Variants in KCND3 observed in about 807,000 individuals in gnomAD.
KCND3 encodes potassium voltage-gated channel subfamily D member 3.
A neutral mutation model predicts 51.1 loss-of-function variants in KCND3; 9 were observed. The ratio of observed to expected loss-of-function variants is 0.18; its 90% confidence interval spans 0.11 to 0.31. The LOEUF is 0.31. Ranked by LOEUF, KCND3 falls within the 10% of genes least tolerant of loss-of-function variation. The probability of loss-of-function intolerance (pLI) is 1.00; values close to 1 mark genes in which losing one functional copy is unlikely to be tolerated. For missense variants in KCND3, 526 were observed against 903.8 expected (o/e 0.58, Z 5.36); for synonymous variants, 349 against 368.0 (o/e 0.95, Z 0.59).
At chr1:111,828,244 A>G (rs1442309238) in intron 2 of KCND3, among the ~76,000 whole-genome samples, 4 of 152,068 alleles carry the variant, frequency 2.6e-5, no homozygotes, top group Non-Finnish European at 1.5e-5. Flanking sequence ...GCCTTTCCTC[A>G]CAGAGCTTGG....
chr1:111,817,830 A>G (rs1028854422), intron 2 of KCND3, among the ~76,000 whole-genome samples: 5 of 152,228 alleles, frequency 3.3e-5, no homozygotes, highest in Non-Finnish European at 7.3e-5. Context: ...TTGCGTCAAT[A>G]TGTGCAAAGC....
chr1:111,984,013 T>C (rs370692937), intron 1 of KCND3, among the ~76,000 whole-genome samples: 1 of 152,140 alleles, frequency 6.6e-6, no homozygotes, highest in South Asian at 2.1e-4. Context: ...GTAACAGAAA[T>C]TGGAAATTGT....
At chr1:111,944,650 A>G (rs925689365) in intron 2 of KCND3, among the ~76,000 whole-genome samples, 1 of 152,188 alleles carries the variant, frequency 6.6e-6, no homozygotes, top group Non-Finnish European at 1.5e-5. Context: ...TTCACGTGTC[A>G]TCTCCCTGTC....
At chr1:111,984,079 C>T (rs1037768834) in intron 1 of KCND3, among the ~76,000 whole-genome samples, 1 of 152,184 alleles carries the variant, frequency 6.6e-6, no homozygotes, top group Non-Finnish European at 1.5e-5. Context: ...AGAACAAATC[C>T]TAACTTGGAA....
At chr1:111,901,673 A>G (rs1670388659) in intron 2 of KCND3, among the ~76,000 whole-genome samples, 1 of 152,200 alleles carries the variant, frequency 6.6e-6, no homozygotes, top group Non-Finnish European at 1.5e-5. Flanking sequence ...GCTCATTCCC[A>G]GTACTTTTGA....
At chr1:111,882,338 C>T (rs989556776) in intron 2 of KCND3, among the ~76,000 whole-genome samples, 3 of 152,194 alleles carry the variant, frequency 2.0e-5, no homozygotes, top group South Asian at 4.1e-4. Flanking sequence ...GGGCCTCTGG[C>T]GTCCGGTTTG....
chr1:111,854,931 G>A (rs1432209703), intron 2 of KCND3, among the ~76,000 whole-genome samples: 2 of 152,154 alleles, frequency 1.3e-5, no homozygotes, highest in African/African-American at 4.8e-5. Flanking sequence ...AAAGCACCTG[G>A]AGAATCTCAC....
At chr1:111,812,919 G>A (rs1665921341) in intron 2 of KCND3, among the ~76,000 whole-genome samples, 1 of 152,188 alleles carries the variant, frequency 6.6e-6, no homozygotes, top group Non-Finnish European at 1.5e-5. Flanking sequence ...CCAGCATCCT[G>A]TGCCCCTCAC....
Position 111,777,143 on chromosome 1 carries a change from C to T in KCND3, c.1649G>A (p.Arg550His), listed in dbSNP as rs151164490. Residue 550 changes from arginine to histidine, a missense_variant, in exon 7 of 8, where the codon CGT becomes CAT. Physicochemically the swap from Arg to His is conservative, Grantham distance 29 (BLOSUM62 0). Coordinates refer to ENST00000302127, the MANE Select transcript of KCND3 (RefSeq NM_001378969.1). ...PGLTTTCCSR[R>H]SKKTTHLPNS... ...GGGCAGGTGTGTGGTCTTCTTACTA[C>T]GACGGGAGCAGCAGGTGGTAGTGAG... is the stretch of plus-strand genomic sequence containing the variant. 4.8e-5 allele frequency: 77 copies of T among 1,614,160 alleles called. No homozygotes were observed. Among genetic ancestry groups the T allele is most frequent in the South Asian group, 1.3e-4 (12 of 91,080 alleles).
At chr1:111,868,973 T>C (rs1185446792) in intron 2 of KCND3, among the ~76,000 whole-genome samples, 1 of 152,116 alleles carries the variant, frequency 6.6e-6, no homozygotes, top group Non-Finnish European at 1.5e-5. Context: ...ACTGGTTTCA[T>C]CCCAGAGTCA....
At chr1:111,818,434 TA>T (rs1376406757) in intron 2 of KCND3, among the ~76,000 whole-genome samples, 8 of 152,216 alleles carry the variant, frequency 5.3e-5, no homozygotes, top group Admixed American at 2.6e-4. Context: ...GCCCCTTGGC[TA>T]AAAGGCCAAG....
chr1:111,986,405 T>C (rs1054492730), intron 1 of KCND3, among the ~76,000 whole-genome samples: 1 of 152,212 alleles, frequency 6.6e-6, no homozygotes, highest in Non-Finnish European at 1.5e-5. Flanking sequence ...CACTGCCAAA[T>C]GGCTTTCCTG....
intron 2 of KCND3, among the ~76,000 whole-genome samples, chr1:111,890,144 GAA>G (rs969140413): frequency 3.9e-5 from 6 of 152,192 alleles, no homozygotes; most frequent in Admixed American, 2.0e-4. Context: ...CTGGGCAGAG[GAA>G]AATATGCTCT....
At chr1:111,879,478 T>C (rs1183553415) in intron 2 of KCND3, among the ~76,000 whole-genome samples, 1 of 152,174 alleles carries the variant, frequency 6.6e-6, no homozygotes, top group Non-Finnish European at 1.5e-5. Context: ...ATATGGCCTG[T>C]TTTTCAAAGC....
At chr1:111,868,692 T>G (rs1179412590) in intron 2 of KCND3, among the ~76,000 whole-genome samples, 3 of 152,212 alleles carry the variant, frequency 2.0e-5, no homozygotes, top group African/African-American at 7.2e-5. Context: ...CACTTTGAAT[T>G]ATCATTTCTA....
chr1:111,888,973 G>A (rs1012350634), intron 2 of KCND3, among the ~76,000 whole-genome samples: 5 of 152,124 alleles, frequency 3.3e-5, no homozygotes, highest in African/African-American at 9.7e-5. Flanking sequence ...TGCTAATGAG[G>A]GACTTTTCTC....
At chr1:111,862,516 T>C (rs868514903) in intron 2 of KCND3, among the ~76,000 whole-genome samples, 2 of 152,228 alleles carry the variant, frequency 1.3e-5, no homozygotes, top group Non-Finnish European at 2.9e-5. Flanking sequence ...AATTATATCG[T>C]CAAGTCTAAG....
intron 2 of KCND3, among the ~76,000 whole-genome samples, chr1:111,797,679 G>A (rs1406140631): frequency 6.6e-6 from 1 of 152,186 alleles, no homozygotes; most frequent in Non-Finnish European, 1.5e-5. Context: ...ATCTCTTGGA[G>A]GCAGAAGCAC....
chr1:111,878,651 C>T (rs533787047), intron 2 of KCND3, among the ~76,000 whole-genome samples: 2 of 152,202 alleles, frequency 1.3e-5, no homozygotes, highest in African/African-American at 4.8e-5. Context: ...GAAAGGGCGA[C>T]CTCATTAGTG....
Sources: gnomAD v4.1 joint callset for allele counts (sites outside exome capture counted in the v4.1 genomes callset) on GRCh38, gnomAD v4.1.1 for gene constraint, MANE v1.5 for transcripts, NCBI Gene and HGNC (gene_info 2026-07-23, HGNC 2026-07-21) for gene names.